Variants in ASXL3 observed in about 807,000 individuals in gnomAD.
The protein encoded by ASXL3 is putative Polycomb group protein ASXL3.
A neutral mutation model predicts 170.6 loss-of-function variants in ASXL3; 34 were observed. The ratio of observed to expected loss-of-function variants is 0.20; its 90% CI spans 0.15 to 0.27. ASXL3 has a LOEUF of 0.27. Among genes scored for constraint, ASXL3 ranks in the 10% least tolerant of loss-of-function variants. The probability of loss-of-function intolerance (pLI) is 1.00; values close to 1 mark genes in which losing one functional copy is unlikely to be tolerated. For missense variants in ASXL3, 2,592 were observed against 2,695.3 expected (o/e 0.96, Z 0.85); for synonymous variants, 1,002 against 989.1 (o/e 1.01, Z -0.24).
At chr18:33,736,294 C>A (rs1309494214) in intron 10 of ASXL3, among the ~76,000 whole-genome samples, 1 of 152,076 alleles carries the variant, frequency 6.6e-6, no homozygotes, top group Non-Finnish European at 1.5e-5. Flanking sequence ...AAACATGACC[C>A]CCTCATTGCC....
intron 2 of ASXL3, among the ~76,000 whole-genome samples, chr18:33,617,585 G>T (rs2065446396): frequency 6.6e-6 from 1 of 152,148 alleles, no homozygotes; most frequent in African/African-American, 2.4e-5. Flanking sequence ...TGTGGTGACT[G>T]CATGTATATT....
At chr18:33,580,329 T>C (rs2064981476) in intron 1 of ASXL3, among the ~76,000 whole-genome samples, 1 of 152,222 alleles carries the variant, frequency 6.6e-6, no homozygotes, top group Non-Finnish European at 1.5e-5. Context: ...TGGAGCATAG[T>C]ACATTACTTA....
At chr18:33,737,593 G>A (rs375628410) in intron 10 of ASXL3, among the ~76,000 whole-genome samples, 4 of 152,018 alleles carry the variant, frequency 2.6e-5, no homozygotes, top group Non-Finnish European at 4.4e-5. Flanking sequence ...TACCTATCAC[G>A]TATGGAATAT....
chr18:33,689,636 A>T (rs1237723255), intron 8 of ASXL3, among the ~76,000 whole-genome samples: 2 of 152,180 alleles, frequency 1.3e-5, no homozygotes, highest in Non-Finnish European at 2.9e-5. Context: ...AAATACAGTA[A>T]ATGATGTTGC....
chr18:33,578,767 G>A (rs2064968063), intron 1 of ASXL3, 82 bp downstream of exon 1: 2 of 920,930 alleles, frequency 2.2e-6, no homozygotes, highest in Non-Finnish European at 1.4e-6. Context: ...CGGCGGAGAC[G>A]GCCACTTCCA....
chr18:33,580,220 C>T (rs970282752), intron 1 of ASXL3, among the ~76,000 whole-genome samples: 1 of 152,226 alleles, frequency 6.6e-6, no homozygotes, highest in African/African-American at 2.4e-5. Context: ...CTTTAATGAA[C>T]TGCATCTGGA....
chr18:33,665,635 A>G (rs2066244537), intron 5 of ASXL3, among the ~76,000 whole-genome samples: 1 of 152,222 alleles, frequency 6.6e-6, no homozygotes, highest in South Asian at 2.1e-4. Context: ...CCAAGTTAAC[A>G]CAAAAGCCTC....
rs774610981 is a variant in ASXL3, at chr18:33,743,406, T to G, written c.3558T>G (p.Leu1186=). Residue 1186 remains leucine (L), a synonymous_variant, in exon 12 of 12, where the codon CTT becomes CTG. Coordinates refer to ENST00000269197, the MANE Select transcript of ASXL3 (RefSeq NM_030632.3). The part of the protein sequence containing the change: ...RETTTVLQQS[L]NPSKLPETAT... ...CCACCACTGTACTACAGCAGTCTCTTAACCCAAGTAAACTTCCAGAAACTG... is the reference window on the plus strand; with the variant it reads ...CCACCACTGTACTACAGCAGTCTCTGAACCCAAGTAAACTTCCAGAAACTG... 1.9e-6 allele frequency: 3 copies of G among 1,613,316 alleles called. No homozygotes were observed. The highest frequency in any genetic ancestry group is 2.5e-6 in the Non-Finnish European group (3 of 1,179,828).
At position 33,646,349 on chromosome 18, in the gene ASXL3, T is replaced by C. The variant is rs371996020; in HGVS notation, c.351T>C (p.Asn117=). The C allele has an allele frequency of 3.7e-5, 59 of 1,604,564 alleles. No individual in the cohort carries two copies. The African/African-American group carries it at 7.7e-4, about 21-fold the overall frequency. Residue 117 remains asparagine, a synonymous_variant, in exon 4 of 12, where the codon AAT becomes AAC. Coordinates refer to ENST00000269197, the MANE Select transcript of ASXL3 (RefSeq NM_030632.3). ...AGGCAAATGCCCATGGAGAAGAAAA[T>C]GGAGGTAAGTGTGATGAATTCCAAA... ...MAEANAHGEE[N]GVCSKQVTDE...
intron 8 of ASXL3, among the ~76,000 whole-genome samples, chr18:33,705,525 T>A (rs1048456230): frequency 6.6e-6 from 1 of 151,860 alleles, no homozygotes; most frequent in Non-Finnish European, 1.5e-5. Context: ...GTATATTTTT[T>A]ATTTTTAATA....
rs529472192 is a variant in ASXL3, at chr18:33,682,340, A to T, written c.716-1065A>T. Among the ~76,000 whole-genome samples, 3 of 152,328 alleles carry T rather than the reference A, an allele frequency of 2.0e-5. No individual in the cohort carries two copies. The East Asian group carries it at 5.8e-4, about 29-fold the overall frequency. ...CTTTATATAAAATCACATTCAAGTC[A>T]TTATCGTAGCTCAAGTAACAGAATG... On this transcript the variant is annotated intron_variant, in intron 7 of 11. Coordinates refer to ENST00000269197, the MANE Select transcript of ASXL3 (RefSeq NM_030632.3).
chr18:33,596,848 C>T (rs1490544095), intron 1 of ASXL3, among the ~76,000 whole-genome samples: 9 of 152,176 alleles, frequency 5.9e-5, no homozygotes, highest in Admixed American at 6.5e-5. Context: ...CAGGGTCTGG[C>T]TCTGTTACCC....
chr18:33,606,513 C>A (rs1428271790), intron 1 of ASXL3, among the ~76,000 whole-genome samples: 1 of 151,968 alleles, frequency 6.6e-6, no homozygotes, highest in Non-Finnish European at 1.5e-5. Context: ...TGGTTATTGA[C>A]AGTATAAGAG....
chr18:33,601,321 G>C (rs2065180492), intron 1 of ASXL3, among the ~76,000 whole-genome samples: 1 of 151,540 alleles, frequency 6.6e-6, no homozygotes, highest in Non-Finnish European at 1.5e-5. Flanking sequence ...ACTCATTGCT[G>C]TAGGCAGTCA....
intron 2 of ASXL3, among the ~76,000 whole-genome samples, chr18:33,617,368 G>A (rs9949440): frequency 0.096 from 14,563 of 151,994 alleles, 965 homozygotes; most frequent in African/African-American, 0.19. Context: ...GCCTGCACCC[G>A]TAATCCCAGC....
chr18:33,732,952 T>C (rs937184508), intron 9 of ASXL3, among the ~76,000 whole-genome samples: 58 of 152,120 alleles, frequency 3.8e-4, no homozygotes, highest in Non-Finnish European at 1.2e-4. Context: ...ATCTCATTTG[T>C]TTTTTCACCC....
At chr18:33,673,119 T>C (rs1170821979) in intron 7 of ASXL3, among the ~76,000 whole-genome samples, 1 of 152,136 alleles carries the variant, frequency 6.6e-6, no homozygotes, top group African/African-American at 2.4e-5. Context: ...TAGAAAACTA[T>C]AGTGGGAGAA....
intron 7 of ASXL3, among the ~76,000 whole-genome samples, chr18:33,676,911 T>C (rs1360540658): frequency 6.6e-6 from 1 of 152,222 alleles, no homozygotes; most frequent in African/African-American, 2.4e-5. Flanking sequence ...TTAAAAATTC[T>C]TTAGTAATAT....
chr18:33,618,983 G>A (rs537743251), intron 2 of ASXL3, among the ~76,000 whole-genome samples: 2 of 152,084 alleles, frequency 1.3e-5, no homozygotes, highest in African/African-American at 4.8e-5. Context: ...TTAATAAATA[G>A]GGACATGATA....
Sources: gnomAD v4.1 joint callset for allele counts (sites outside exome capture counted in the v4.1 genomes callset) on GRCh38, gnomAD v4.1.1 for gene constraint, MANE v1.5 for transcripts, NCBI Gene and HGNC (gene_info 2026-07-23, HGNC 2026-07-21) for gene names.